The following BEND2 variants were observed in gnomAD, a reference collection of about 807,000 sequenced individuals.
BEND2 encodes the protein BEN domain containing 2, also known as BEN domain-containing protein 2.
Under a neutral mutation model 43.8 loss-of-function variants are expected in BEND2, and 19 were observed. The ratio of observed to expected loss-of-function variants is 0.43; its 90% CI spans 0.30 to 0.64. BEND2 has a LOEUF of 0.64. Ranked by LOEUF, BEND2 falls within the 30% of genes least tolerant of loss-of-function variation. The pLI, the probability that BEND2 is intolerant of heterozygous loss-of-function variation, is 0.11. For synonymous variants in BEND2, 226 were observed against 210.1 expected (o/e 1.08, Z -0.66); for missense variants, 544 against 574.0 (o/e 0.95, Z 0.53).
At chrX:18,190,762 T>TCACACACA (rs1423975661) in intron 8 of BEND2, among the ~76,000 whole-genome samples, 3 of 87,683 alleles carry the variant, frequency 3.4e-5, no homozygotes, top group Non-Finnish European at 7.0e-5. Flanking sequence ...TCTCTCTCTC[T>TCACACACA]CTCTCACACA....
Position 18,212,682 on chromosome X carries a change from T to C in BEND2, c.377-2A>G, listed in dbSNP as rs1311460839. ...AAACTATTTGGTCACCATGGGCTAC[T>C]GTGAAGCAATGCATTAAAAAGTTAT... is the stretch of plus-strand genomic sequence containing the variant. On this transcript the variant is annotated splice_acceptor_variant, in intron 3 of 13. Coordinates refer to ENST00000380033, the MANE Select transcript of BEND2 (RefSeq NM_153346.5). LOFTEE classifies it high-confidence loss of function. 1 of 1,133,822 alleles carries C rather than the reference T, an allele frequency of 8.8e-7. No individual in the cohort carries two copies. The highest frequency in any genetic ancestry group is 1.2e-6 in the Non-Finnish European group (1 of 827,830). The allele number at this position is 1,133,822 out of a possible 1,213,427, so 93.4% of individuals were successfully genotyped here.
chrX:18,195,806 A>G (rs7060348), intron 6 of BEND2, among the ~76,000 whole-genome samples: 1,483 of 107,748 alleles, frequency 0.014, 27 homozygotes, highest in African/African-American at 0.046. Context: ...GAGCCCGGGA[A>G]ATGGAGGCTG....
chrX:18,172,687 C>T (rs914852962), intron 12 of BEND2, among the ~76,000 whole-genome samples: 2 of 109,539 alleles, frequency 1.8e-5, no homozygotes, highest in Admixed American at 2.0e-4. Context: ...GAGCGAGACT[C>T]CATCTCAAAA....
intron 8 of BEND2, among the ~76,000 whole-genome samples, chrX:18,181,360 C>T (rs1924380604): frequency 9.0e-6 from 1 of 111,237 alleles, no homozygotes; most frequent in Non-Finnish European, 1.9e-5. Context: ...TGAAAACCTT[C>T]ACATGAGTAT....
intron 8 of BEND2, 61 bp from the exon 9 acceptor site, chrX:18,180,711 A>T: frequency 4.4e-6 from 4 of 906,597 alleles, no homozygotes; most frequent in Non-Finnish European, 6.4e-6. Flanking sequence ...TTTCAGGTAC[A>T]GAGGGGAAAT....
chrX:18,185,502 G>A (rs1272394898), intron 8 of BEND2, among the ~76,000 whole-genome samples: 2 of 105,646 alleles, frequency 1.9e-5, no homozygotes, highest in Non-Finnish European at 3.9e-5. Context: ...CTGCACTCCA[G>A]CCTAGGTGAC....
chrX:18,194,904 A>G (rs1230145348), intron 7 of BEND2, among the ~76,000 whole-genome samples: 1 of 109,619 alleles, frequency 9.1e-6, no homozygotes, highest in Non-Finnish European at 1.9e-5. Flanking sequence ...GCTGATGGAA[A>G]TGATCTCTAC....
chrX:18,169,950 AT>A (rs1298580593), intron 13 of BEND2, among the ~76,000 whole-genome samples: 1 of 111,599 alleles, frequency 9.0e-6, no homozygotes, highest in Non-Finnish European at 1.9e-5. Context: ...AAAGTCACCT[AT>A]TTTCCCCCAC....
chrX:18,196,689 T>G (rs1231772433), intron 6 of BEND2, among the ~76,000 whole-genome samples: 3 of 94,279 alleles, frequency 3.2e-5, no homozygotes, highest in African/African-American at 4.2e-5. Flanking sequence ...GGAATCATAC[T>G]GACTGAAAAA....
At chrX:18,210,347 A>G (rs1925466104) in intron 4 of BEND2, among the ~76,000 whole-genome samples, 1 of 112,132 alleles carries the variant, frequency 8.9e-6, no homozygotes, top group Non-Finnish European at 1.9e-5. Context: ...TTGTCTAAGG[A>G]AAAATTATTA....
chrX:18,170,893 G>A (rs768613382), intron 13 of BEND2, 108 bp downstream of exon 13: 25 of 1,156,287 alleles, frequency 2.2e-5, no homozygotes, highest in Non-Finnish European at 2.9e-5. Flanking sequence ...TAATTACTAA[G>A]TTCCATTCTC....
chrX:18,177,606 G>T lies in BEND2; in HGVS notation c.1593C>A (p.Ser531Arg), dbSNP rs763502919. 2 of 1,208,940 alleles carry T rather than the reference G, an allele frequency of 1.7e-6. No individual in the cohort carries two copies. Among genetic ancestry groups the T allele is most frequent in the Non-Finnish European group, 2.2e-6 (2 of 894,789 alleles). ...CCATTTTGTTCGGGTCGAGGGATTGGCTGTCTTTCAAATGGATATCCACTG... is the reference window on the plus strand; with the variant it reads ...CCATTTTGTTCGGGTCGAGGGATTGTCTGTCTTTCAAATGGATATCCACTG... ...SSSVDIHLKD[S>R]QSLDPNKMAA... Residue 531 changes from serine to arginine, a missense_variant, in exon 10 of 14, where the codon AGC becomes AGA. Ser to Arg is a moderately radical substitution (Grantham distance 110, BLOSUM62 -1). Transcript: ENST00000380033.
chrX:18,219,905 G>GAAAACAAAAC (rs199724689), intron 1 of BEND2, among the ~76,000 whole-genome samples: 21 of 108,789 alleles, frequency 1.9e-4, no homozygotes, highest in Admixed American at 4.9e-4. Context: ...GACTCTGTCT[G>GAAAACAAAAC]AAAACAAAAC....
chrX:18,175,574 C>T (rs778854461), intron 11 of BEND2, among the ~76,000 whole-genome samples: 16 of 111,765 alleles, frequency 1.4e-4, no homozygotes, highest in Non-Finnish European at 2.1e-4. Flanking sequence ...GAACAAGTAA[C>T]GAAGTGCCTG....
chrX:18,195,733 G>T (rs775571729), intron 6 of BEND2, among the ~76,000 whole-genome samples: 1 of 109,806 alleles, frequency 9.1e-6, no homozygotes, highest in Admixed American at 9.8e-5. Flanking sequence ...TTAAAAACTA[G>T]CCAGGAGTGA....
chrX:18,194,972 AACAC>A (rs201244726), intron 7 of BEND2, among the ~76,000 whole-genome samples: 16,796 of 99,103 alleles, frequency 0.17, 1,149 homozygotes, highest in East Asian at 0.33. Flanking sequence ...CATAGTACTA[AACAC>A]ACACACACAC....
chrX:18,170,902 T>A (rs1194095098), intron 13 of BEND2, 99 bp downstream of exon 13: 2 of 1,174,206 alleles, frequency 1.7e-6, no homozygotes, highest in African/African-American at 1.8e-5. Context: ...AGTTCCATTC[T>A]CCCCAGAACA....
chrX:18,201,914 T>C lies in BEND2; in HGVS notation c.934A>G (p.Ser312Gly). Residue 312 changes from serine to glycine, a missense_variant, in exon 6 of 14, where the codon AGT becomes GGT. This residue lies in a region of BEND2 where 501 missense variants were observed against 501.6 expected (regional missense o/e 1.00). Transcript: ENST00000380033. The stretch of plus-strand genomic sequence containing the variant: ...TTCGCTGTCTCAGTGCTGTTTTTAC[T>C]GCTGTTTGCTGGTCTTTCTGGCATT... ...LEMPERPANS[S>G]KNSTETANYP... 8.3e-7 allele frequency: 1 copy of C among 1,208,439 alleles called. No individual in the cohort carries two copies. Among genetic ancestry groups the C allele is most frequent in the Non-Finnish European group, 1.1e-6 (1 of 894,530 alleles).
intron 10 of BEND2, 133 bp from the exon 11 acceptor site, chrX:18,176,226 T>C (rs1602027751): frequency 4.2e-6 from 2 of 474,088 alleles, no homozygotes; most frequent in Non-Finnish European, 6.6e-6. Flanking sequence ...ACTTCTTCTC[T>C]TTCTACTTCT....
Sources: gnomAD v4.1 joint callset for allele counts (sites outside exome capture counted in the v4.1 genomes callset) on GRCh38, gnomAD v4.1.1 for gene constraint, gnomAD v4.1.1 regional missense constraint, MANE v1.5 for transcripts, NCBI Gene and HGNC (gene_info 2026-07-23, HGNC 2026-07-21) for gene names.